Variants in RAPGEF5 observed in about 807,000 individuals in gnomAD.
RAPGEF5 encodes the protein M-Ras-regulated GEF.
A neutral mutation model predicts 125.2 loss-of-function variants in RAPGEF5; 65 were observed. That is an observed-to-expected ratio of 0.52 (90% CI 0.43 to 0.64). The LOEUF (loss-of-function observed/expected upper bound fraction) is 0.64, where lower values mean the gene tolerates loss of function less well. Ranked by LOEUF, RAPGEF5 falls within the 30% of genes least tolerant of loss-of-function variation. RAPGEF5 has a pLI of 0.00. For synonymous variants in RAPGEF5, 391 were observed against 385.9 expected, an observed-to-expected ratio of 1.01 and a Z score of -0.16; for missense variants, 958 against 1,048.1, an observed-to-expected ratio of 0.91 and a Z score of 1.19.
chr7:22,119,144 A>G lies in RAPGEF5; in HGVS notation c.*3262T>C, dbSNP rs1782498803. On this transcript the variant is annotated 3_prime_UTR_variant, in exon 26 of 26. Coordinates refer to ENST00000665637, the MANE Select transcript of RAPGEF5 (RefSeq NM_012294.5). The surrounding 1 kb of genome is among the most constrained non-coding windows in gnomAD (Gnocchi z 4.1). ...TAGAACAGACTCGCAGGGCTGGGAT[A>G]TGGGTAGCAGTGAAAGCCCAGCTCC... 1 of 152,158 alleles carries G rather than the reference A, an allele frequency of 6.6e-6. No individual in the cohort carries two copies. The highest frequency in any genetic ancestry group is 6.5e-5 in the Admixed American group (1 of 15,284). The allele number at this position is 152,158 out of a possible 1,614,324, so 9.4% of individuals were successfully genotyped here.
intron 1 of RAPGEF5, among the ~76,000 whole-genome samples, chr7:22,340,500 C>T (rs59467849): frequency 0.12 from 18,331 of 152,232 alleles, 1,389 homozygotes; most frequent in Admixed American, 0.15. Flanking sequence ...AAACTCCTTT[C>T]CCAGCTAGGG....
At chr7:22,155,776 T>C (rs1440243248) in intron 16 of RAPGEF5, among the ~76,000 whole-genome samples, 1 of 152,226 alleles carries the variant, frequency 6.6e-6, no homozygotes, top group Admixed American at 6.5e-5. Flanking sequence ...AGATGGAATT[T>C]TTAAGCAAGG....
chr7:22,210,223 C>T (rs938619776), intron 9 of RAPGEF5, among the ~76,000 whole-genome samples: 7 of 152,166 alleles, frequency 4.6e-5, no homozygotes, highest in African/African-American at 1.7e-4. Flanking sequence ...AATAAGTTGA[C>T]TGAGCAGGGA....
intron 7 of RAPGEF5, among the ~76,000 whole-genome samples, chr7:22,263,992 A>G (rs1283544007): frequency 6.6e-6 from 1 of 152,196 alleles, no homozygotes; most frequent in Admixed American, 6.5e-5. Context: ...AAAAGAGAAT[A>G]CATGCTACTG....
At chr7:22,231,866 C>T (rs550161066) in intron 7 of RAPGEF5, among the ~76,000 whole-genome samples, 4 of 152,274 alleles carry the variant, frequency 2.6e-5, no homozygotes, top group East Asian at 1.9e-4. Flanking sequence ...CCTAAGAACA[C>T]GGGGAACCAC....
At chr7:22,150,268 G>A in intron 18 of RAPGEF5, 139 bp downstream of exon 18, 1 of 739,724 alleles carries the variant, frequency 1.4e-6, no homozygotes, top group Non-Finnish European at 2.1e-6. Flanking sequence ...GTAGAGACAG[G>A]GTTGCAAACT....
chr7:22,356,959 G>C lies in RAPGEF5; in HGVS notation c.102C>G (p.Arg34=), dbSNP rs1386959398. 9.6e-7 allele frequency: 1 copy of C among 1,038,382 alleles called. No individual in the cohort carries two copies. Among genetic ancestry groups the C allele is most frequent in the East Asian group, 8.4e-5 (1 of 11,942 alleles). 64.3% of individuals were successfully genotyped at this position (1,038,382 alleles called of 1,614,324 possible). ...AVVAADGPLR[R]SPSAREPERE... ...GCTCGGGCTCCCGGGCGCTGGGGCTGCGGCGCAGGGGGCCGTCTGCCGCCA... is the reference window on the plus strand; with the variant it reads ...GCTCGGGCTCCCGGGCGCTGGGGCTCCGGCGCAGGGGGCCGTCTGCCGCCA... The change falls in exon 1 of 26, where the codon CGC becomes CGG. Residue 34 remains arginine (R), a synonymous_variant. Transcript: ENST00000665637.
intron 24 of RAPGEF5, among the ~76,000 whole-genome samples, chr7:22,128,867 A>G (rs1782829861): frequency 6.6e-6 from 1 of 152,174 alleles, no homozygotes; most frequent in Admixed American, 6.5e-5. Flanking sequence ...TATAAAATAT[A>G]ATTTCTCTTT....
chr7:22,202,151 C>A (rs966029615), intron 9 of RAPGEF5, among the ~76,000 whole-genome samples: 4 of 152,186 alleles, frequency 2.6e-5, no homozygotes, highest in African/African-American at 4.8e-5. Flanking sequence ...AGGACAAAAT[C>A]TAGTCCACTG....
At chr7:22,191,943 G>C (rs1381235835) in intron 11 of RAPGEF5, among the ~76,000 whole-genome samples, 1 of 152,182 alleles carries the variant, frequency 6.6e-6, no homozygotes, top group Non-Finnish European at 1.5e-5. Context: ...TTAAGAAGAA[G>C]GAAGTATTCA....
At position 22,145,223 on chromosome 7, in the gene RAPGEF5, C is replaced by T; in HGVS notation, c.2008-1G>A. The stretch of plus-strand genomic sequence containing the variant: ...TGAACGTGAAGTAGATCAGCTCTTG[C>T]TGAAAGAAAATGTATTCATGCCAGG... On this transcript the variant is annotated splice_acceptor_variant, in intron 19 of 25. Coordinates refer to ENST00000665637, the MANE Select transcript of RAPGEF5 (RefSeq NM_012294.5). LOFTEE classifies it high-confidence loss of function. 1 of 1,605,304 alleles carries T rather than the reference C, an allele frequency of 6.2e-7. No homozygotes were observed. The highest frequency in any genetic ancestry group is 8.5e-7 in the Non-Finnish European group (1 of 1,175,110).
chr7:22,331,355 A>C (rs75173077), intron 1 of RAPGEF5, among the ~76,000 whole-genome samples: 1,894 of 152,248 alleles, frequency 0.012, 15 homozygotes, highest in Non-Finnish European at 0.018. Flanking sequence ...GCCCCTCTCC[A>C]AGGTGGAAGG....
intron 20 of RAPGEF5, among the ~76,000 whole-genome samples, chr7:22,142,951 A>G (rs1425821239): frequency 6.6e-6 from 1 of 152,236 alleles, no homozygotes; most frequent in African/African-American, 2.4e-5. Context: ...TGGGTTAGGG[A>G]TAGAGACCAC....
At chr7:22,204,610 G>A (rs1056003281) in intron 9 of RAPGEF5, among the ~76,000 whole-genome samples, 12 of 152,162 alleles carry the variant, frequency 7.9e-5, no homozygotes, top group African/African-American at 2.9e-4. Flanking sequence ...GAGATACAAA[G>A]CATCTTAAGT....
chr7:22,300,140 G>T (rs901893020), intron 5 of RAPGEF5, among the ~76,000 whole-genome samples: 1 of 152,094 alleles, frequency 6.6e-6, no homozygotes. Flanking sequence ...CCAAGTCCCT[G>T]AGACTATTCA....
intron 7 of RAPGEF5, among the ~76,000 whole-genome samples, chr7:22,244,649 T>G (rs1259608703): frequency 6.6e-6 from 1 of 152,100 alleles, no homozygotes; most frequent in Admixed American, 6.6e-5. Flanking sequence ...TATTACAATG[T>G]AATAATAATA....
intron 1 of RAPGEF5, among the ~76,000 whole-genome samples, chr7:22,336,699 C>A (rs1043169621): frequency 6.6e-6 from 1 of 152,160 alleles, no homozygotes; most frequent in Non-Finnish European, 1.5e-5. Context: ...CTGGCCCCTC[C>A]TCTTCCTGGG....
chr7:22,208,621 G>C (rs796187767), intron 9 of RAPGEF5, among the ~76,000 whole-genome samples: 6 of 152,270 alleles, frequency 3.9e-5, no homozygotes, highest in African/African-American at 1.4e-4. Context: ...CCTTCACTGG[G>C]TCTTCCACAG....
At chr7:22,162,892 C>T in intron 12 of RAPGEF5, 1 of 467,312 alleles carries the variant, frequency 2.1e-6, no homozygotes, top group Non-Finnish European at 4.3e-6. Flanking sequence ...CCTCACTACA[C>T]AGGTGAATAC....
Sources: allele counts gnomAD v4.1 joint callset (sites outside exome capture counted in the v4.1 genomes callset), GRCh38; gene constraint gnomAD v4.1.1; non-coding constraint Gnocchi (gnomAD v3.1); transcripts MANE v1.5; gene names NCBI Gene and HGNC (gene_info 2026-07-23, HGNC 2026-07-21).